NRXN1: variants seen among roughly 807,000 people sequenced by gnomAD.
NRXN1 encodes the protein neurexin-1.
In NRXN1, 39 loss-of-function variants were observed where a neutral mutation model predicts 150.9. The ratio of observed to expected loss-of-function variants is 0.26; its 90% CI spans 0.20 to 0.34. NRXN1 has a LOEUF of 0.34. NRXN1 is among the 10% of genes least tolerant of loss of function. NRXN1 has a pLI of 1.00. For missense variants in NRXN1, 1,815 were observed against 1,949.9 expected (o/e 0.93, Z 1.30); for synonymous variants, 924 against 757.0 (o/e 1.22, Z -3.62).
chr2:50,493,595 A>T (rs918399783), intron 15 of NRXN1, among the ~76,000 whole-genome samples: 2 of 152,150 alleles, frequency 1.3e-5, no homozygotes, highest in African/African-American at 4.8e-5. Context: ...CAAAGTGGTG[A>T]TGATGGGAGA....
intron 5 of NRXN1, among the ~76,000 whole-genome samples, chr2:50,875,552 C>T (rs1678449016): frequency 6.6e-6 from 1 of 151,704 alleles, no homozygotes. Context: ...TTCAAGCTTG[C>T]TCTTGGGAAA....
chr2:50,351,977 T>A (rs2078443693), intron 17 of NRXN1, among the ~76,000 whole-genome samples: 1 of 152,154 alleles, frequency 6.6e-6, no homozygotes, highest in Non-Finnish European at 1.5e-5. Flanking sequence ...TTGGTCTTGG[T>A]GTTGAATTCA....
At chr2:50,054,246 GA>G (rs11331484) in intron 20 of NRXN1, among the ~76,000 whole-genome samples, 108,270 of 150,094 alleles carry the variant, frequency 0.72, 39,244 homozygotes, top group African/African-American at 0.82. Context: ...AAAACAAAAT[GA>G]AAAAAAAAAA....
At chr2:50,360,665 G>A (rs564974141) in intron 17 of NRXN1, among the ~76,000 whole-genome samples, 2 of 152,238 alleles carry the variant, frequency 1.3e-5, no homozygotes, top group Non-Finnish European at 2.9e-5. Flanking sequence ...ATAATAATGG[G>A]AGACTTTAAC....
chr2:50,196,845 G>T (rs965869223), intron 18 of NRXN1, among the ~76,000 whole-genome samples: 1 of 152,088 alleles, frequency 6.6e-6, no homozygotes, highest in Non-Finnish European at 1.5e-5. Context: ...CTTATTAGTG[G>T]GAGCTAAATG....
intron 17 of NRXN1, among the ~76,000 whole-genome samples, chr2:50,250,598 T>C (rs768584471): frequency 9.2e-5 from 14 of 152,172 alleles, no homozygotes; most frequent in Non-Finnish European, 1.9e-4. Flanking sequence ...AGTTCTAGTA[T>C]CTTAGTTTAT....
intron 21 of NRXN1, among the ~76,000 whole-genome samples, chr2:49,963,401 A>G (rs1676353267): frequency 6.6e-6 from 1 of 152,228 alleles, no homozygotes. Context: ...CAAACAGGAA[A>G]TAACTAAGCA....
intron 18 of NRXN1, among the ~76,000 whole-genome samples, chr2:50,141,761 T>A (rs900363131): frequency 2.0e-5 from 3 of 152,004 alleles, no homozygotes; most frequent in African/African-American, 7.2e-5. Context: ...CCATCAGATA[T>A]CCTTACCCCC....
At chr2:50,860,367 T>C (rs1184057090) in intron 5 of NRXN1, among the ~76,000 whole-genome samples, 2 of 152,114 alleles carry the variant, frequency 1.3e-5, no homozygotes, top group South Asian at 2.1e-4. Flanking sequence ...ATTCTGTTTA[T>C]AGAAATCAGA....
intron 5 of NRXN1, among the ~76,000 whole-genome samples, chr2:50,681,746 T>C (rs1690436024): frequency 6.6e-6 from 1 of 152,226 alleles, no homozygotes; most frequent in Admixed American, 6.5e-5. Context: ...ATAAATATAC[T>C]GGGCAGCCAT....
At chr2:50,507,597 A>C (rs191830351) in intron 12 of NRXN1, among the ~76,000 whole-genome samples, 2 of 148,446 alleles carry the variant, frequency 1.3e-5, no homozygotes, top group Admixed American at 1.4e-4. Flanking sequence ...GTTTGGTAGA[A>C]ATTATTGAAA....
Position 50,575,215 on chromosome 2 carries a change from T to A in NRXN1, c.1321-22190A>T, listed in dbSNP as rs553874324. Among the ~76,000 whole-genome samples the A allele has an allele frequency of 4.6e-5, 7 of 152,328 alleles. No homozygotes were observed. The East Asian group carries it at 1.4e-3, about 29-fold the overall frequency. On this transcript the variant is annotated intron_variant, in intron 8 of 22. Transcript: ENST00000401669. The stretch of plus-strand genomic sequence containing the variant: ...TGCCTTTTCCCCCTCACAAAAGCAC[T>A]CTTATTGCAGATCATTTTTAATCGG...
At chr2:50,270,196 T>A (rs1158245409) in intron 17 of NRXN1, among the ~76,000 whole-genome samples, 1 of 152,104 alleles carries the variant, frequency 6.6e-6, no homozygotes, top group Non-Finnish European at 1.5e-5. Flanking sequence ...AGATTAGGGG[T>A]TAAATAAAAT....
At chr2:49,942,546 T>G (rs184502528) in intron 22 of NRXN1, among the ~76,000 whole-genome samples, 1 of 152,088 alleles carries the variant, frequency 6.6e-6, no homozygotes, top group African/African-American at 2.4e-5. Context: ...TAGCAGATAG[T>G]GGTTAGTCCA....
chr2:50,221,577 A>C (rs2063890823), intron 18 of NRXN1, among the ~76,000 whole-genome samples: 1 of 150,372 alleles, frequency 6.7e-6, no homozygotes, highest in Non-Finnish European at 1.5e-5. Flanking sequence ...CCATCATTTT[A>C]AGAATTGGCC....
chr2:50,347,833 G>T lies in NRXN1; in HGVS notation c.3365-110863C>A, dbSNP rs1438156893. The T allele has an allele frequency of 4.1e-6, 4 of 985,418 alleles. No individual in the cohort carries two copies. In the South Asian group the frequency reaches 1.4e-4, roughly 35 times the overall value. 61.0% of individuals were successfully genotyped at this position (985,418 alleles called of 1,614,324 possible). On this transcript the variant is annotated intron_variant, in intron 17 of 22. Coordinates refer to ENST00000401669, the MANE Select transcript of NRXN1 (RefSeq NM_001330078.2). The surrounding 1 kb of genome is among the most constrained non-coding windows in gnomAD (Gnocchi z 4.9). ...AGTCTCCAAACAGCAAATCACTGAA[G>T]CTCGGATGCAATGCAGAGGACGAGC... is the stretch of plus-strand genomic sequence containing the variant.
intron 17 of NRXN1, among the ~76,000 whole-genome samples, chr2:50,300,957 A>T (rs950224644): frequency 6.6e-6 from 1 of 152,034 alleles, no homozygotes; most frequent in African/African-American, 2.4e-5. Flanking sequence ...TGGCTTCCCA[A>T]AGTGTTGGGA....
At chr2:50,612,520 G>T (rs772803247) in intron 8 of NRXN1, among the ~76,000 whole-genome samples, 6 of 151,904 alleles carry the variant, frequency 3.9e-5, no homozygotes, top group Non-Finnish European at 8.8e-5. Context: ...ATGCCTCTTG[G>T]GTAACTCACT....
At chr2:50,896,336 G>C (rs1681949986) in intron 5 of NRXN1, among the ~76,000 whole-genome samples, 1 of 152,166 alleles carries the variant, frequency 6.6e-6, no homozygotes, top group Non-Finnish European at 1.5e-5. Flanking sequence ...TACTGTCCCA[G>C]GCATTTGGGA....
Sources: gnomAD v4.1 joint callset for allele counts (sites outside exome capture counted in the v4.1 genomes callset) on GRCh38, gnomAD v4.1.1 for gene constraint, Gnocchi (gnomAD v3.1) non-coding constraint, MANE v1.5 for transcripts, NCBI Gene and HGNC (gene_info 2026-07-23, HGNC 2026-07-21) for gene names.